MSI2: variants seen among roughly 807,000 people sequenced by gnomAD.
The protein encoded by MSI2 is musashi RNA binding protein 2, also known as RNA-binding protein Musashi homolog 2.
MSI2 carries 17 observed loss-of-function variants against 45.6 expected under a neutral mutation model. The observed-to-expected ratio is 0.37, with a 90% CI of 0.26 to 0.56. MSI2 has a LOEUF of 0.56. MSI2 is among the 20% of genes least tolerant of loss of function. MSI2 has a pLI of 0.77. For missense variants in MSI2, 293 were observed against 444.2 expected (o/e 0.66, Z 3.06); for synonymous variants, 156 against 158.2 (o/e 0.99, Z 0.11).
At chr17:57,616,651 A>T (rs1907741005) in intron 9 of MSI2, 1 of 151,826 alleles carries the variant, frequency 6.6e-6, no homozygotes, top group Admixed American at 6.6e-5. Flanking sequence ...AAAAAAGATG[A>T]AAGACAAAGT....
intron 5 of MSI2, among the ~76,000 whole-genome samples, chr17:57,386,340 T>G (rs8073889): frequency 0.38 from 58,002 of 151,912 alleles, 13,620 homozygotes; most frequent in African/African-American, 0.68. Flanking sequence ...TTCTTAGTGC[T>G]TGTGCCCAGT....
At chr17:57,342,381 A>G (rs149309156) in intron 5 of MSI2, among the ~76,000 whole-genome samples, 1 of 152,166 alleles carries the variant, frequency 6.6e-6, no homozygotes, top group South Asian at 2.1e-4. Flanking sequence ...CCAAATCTTC[A>G]TGTTGGTCTG....
chr17:57,663,995 G>A (rs1912196333), intron 11 of MSI2, among the ~76,000 whole-genome samples: 1 of 149,784 alleles, frequency 6.7e-6, no homozygotes, highest in Admixed American at 6.6e-5. Context: ...CAGTGAGGAT[G>A]ATTAACAGCT....
chr17:57,284,426 T>C (rs973196929), intron 5 of MSI2, among the ~76,000 whole-genome samples: 8 of 152,162 alleles, frequency 5.3e-5, no homozygotes, highest in Non-Finnish European at 8.8e-5. Flanking sequence ...ATCTGTGTGC[T>C]TTATGTATGT....
At chr17:57,492,804 C>T (rs1338615155) in intron 6 of MSI2, among the ~76,000 whole-genome samples, 1 of 152,178 alleles carries the variant, frequency 6.6e-6, no homozygotes, top group Non-Finnish European at 1.5e-5. Context: ...ACCATGTTGG[C>T]TAGACTGGTC....
At chr17:57,526,742 T>C (rs893966802) in intron 6 of MSI2, among the ~76,000 whole-genome samples, 7 of 152,154 alleles carry the variant, frequency 4.6e-5, no homozygotes, top group African/African-American at 9.7e-5. Flanking sequence ...CTTATCCATA[T>C]TGATTTTTCT....
At chr17:57,675,595 G>T (rs966062904) in intron 12 of MSI2, among the ~76,000 whole-genome samples, 2 of 152,174 alleles carry the variant, frequency 1.3e-5, no homozygotes, top group Non-Finnish European at 2.9e-5. Flanking sequence ...GCTGGGAAAT[G>T]TCCCAGCTCC....
chr17:57,661,845 G>C (rs888794005), intron 11 of MSI2, among the ~76,000 whole-genome samples: 1 of 152,076 alleles, frequency 6.6e-6, no homozygotes, highest in African/African-American at 2.4e-5. Flanking sequence ...GGCTCAAAGT[G>C]CCAGAAAGCC....
chr17:57,596,985 C>T lies in MSI2; in HGVS notation c.537+35C>T. On this transcript the variant is annotated intron_variant, in intron 8 of 13. Coordinates refer to ENST00000284073, the MANE Select transcript of MSI2 (RefSeq NM_138962.4). The surrounding 1 kb of genome is among the most constrained non-coding windows in gnomAD (Gnocchi z 4.6). ...TAGGGGTTGCGCTGAAATGGAATGC[C>T]CCCTTTCTCTACGTACACACCCAGT... 1 of 1,459,514 alleles carries T rather than the reference C, an allele frequency of 6.9e-7. No individual in the cohort carries two copies. The highest frequency in any genetic ancestry group is 1.1e-5 in the South Asian group (1 of 87,946). 90.4% of individuals were successfully genotyped at this position (1,459,514 alleles called of 1,614,324 possible). A position where few individuals can be genotyped will look rare whatever the true frequency, so the allele number is the denominator to read the frequency against.
intron 7 of MSI2, among the ~76,000 whole-genome samples, chr17:57,557,406 G>C (rs2087461653): frequency 6.6e-6 from 1 of 152,254 alleles, no homozygotes; most frequent in Non-Finnish European, 1.5e-5. Flanking sequence ...GTCTGCCCCA[G>C]GGGCCAAAGC....
rs544689436 is a variant in MSI2 at position 57,636,236 on chromosome 17, G to A, written c.727+8933G>A. Among the ~76,000 whole-genome samples, 501 of 152,302 alleles carry A rather than the reference G, an allele frequency of 3.3e-3. 3 individuals carry two copies. Among genetic ancestry groups the A allele is most frequent in the African/African-American group, 0.011 (472 of 41,568 alleles). ...AAGTTCTCAGGAGGTGGAGGAGCTG[G>A]CGTTAGCAAGGTGACCGAGAGAGAA... On this transcript the variant is annotated intron_variant, in intron 10 of 13. Coordinates refer to ENST00000284073, the MANE Select transcript of MSI2 (RefSeq NM_138962.4).
At chr17:57,307,573 T>C (rs2178021) in intron 5 of MSI2, among the ~76,000 whole-genome samples, 124,359 of 152,126 alleles carry the variant, frequency 0.82, 50,880 homozygotes, top group Middle Eastern at 0.92. Flanking sequence ...TACAGGCACC[T>C]GCCACCACAC....
chr17:57,524,178 C>A (rs1023194839), intron 6 of MSI2, among the ~76,000 whole-genome samples: 14 of 152,210 alleles, frequency 9.2e-5, no homozygotes, highest in African/African-American at 3.1e-4. Context: ...CAAGAGAGAA[C>A]AAGCAGGAAC....
At position 57,683,628 on chromosome 17, in the gene MSI2, G is replaced by A. The variant is rs1913741796; in HGVS notation, c.*4111G>A. ...ATACTTCTCTTTATTGGTTGCAAGT[G>A]GCACGCAGGAACAGAGGGAGAGTGG... On this transcript the variant is annotated 3_prime_UTR_variant, in exon 14 of 14. Transcript: ENST00000284073. This position sits in a 1 kb window ranked among gnomAD's most constrained non-coding sequence, Gnocchi z 5.2. The A allele has an allele frequency of 4.3e-6, 1 of 231,912 alleles. No individual in the cohort carries two copies. The highest frequency in any genetic ancestry group is 8.5e-6 in the Non-Finnish European group (1 of 117,364). The allele number at this position is 231,912 out of a possible 1,614,324, so 14.4% of individuals were successfully genotyped here.
intron 8 of MSI2, among the ~76,000 whole-genome samples, chr17:57,598,683 G>A (rs2144468919): frequency 6.6e-6 from 1 of 151,496 alleles, no homozygotes; most frequent in Admixed American, 6.6e-5. Flanking sequence ...TTTTAATTGA[G>A]ACAGAGTCTT....
At chr17:57,483,949 G>C (rs1598320506) in intron 6 of MSI2, among the ~76,000 whole-genome samples, 1 of 152,238 alleles carries the variant, frequency 6.6e-6, no homozygotes, top group African/African-American at 2.4e-5. Flanking sequence ...AATGTAAGTG[G>C]TTTGTAGGGT....
At chr17:57,664,543 A>C (rs1383880562) in intron 11 of MSI2, among the ~76,000 whole-genome samples, 1 of 152,152 alleles carries the variant, frequency 6.6e-6, no homozygotes, top group Non-Finnish European at 1.5e-5. Context: ...AAAAGAAAAA[A>C]GATCTGAGAG....
At chr17:57,391,169 C>T (rs776892343) in intron 5 of MSI2, among the ~76,000 whole-genome samples, 5 of 152,126 alleles carry the variant, frequency 3.3e-5, no homozygotes, top group Non-Finnish European at 7.4e-5. Flanking sequence ...TGAGCACAGC[C>T]GGTGTGAAGA....
chr17:57,351,771 G>A (rs1023870937), intron 5 of MSI2, among the ~76,000 whole-genome samples: 3 of 152,188 alleles, frequency 2.0e-5, no homozygotes, highest in Admixed American at 6.5e-5. Flanking sequence ...AAGGAGAAGC[G>A]TTTGAACCCA....
Sources: allele counts gnomAD v4.1 joint callset (sites outside exome capture counted in the v4.1 genomes callset), GRCh38; gene constraint gnomAD v4.1.1; non-coding constraint Gnocchi (gnomAD v3.1); transcripts MANE v1.5; gene names NCBI Gene and HGNC (gene_info 2026-07-23, HGNC 2026-07-21).